Variants in DCHS2 observed in about 807,000 individuals in gnomAD.
DCHS2 encodes protocadherin-23.
In DCHS2, 142 loss-of-function variants were observed where a neutral mutation model predicts 182.4. The observed-to-expected ratio is 0.78, with a 90% confidence interval of 0.68 to 0.89. DCHS2 has a LOEUF of 0.89. Ranked by LOEUF, DCHS2 falls within the 40% of genes least tolerant of loss-of-function variation. The pLI is 0.00. For synonymous variants in DCHS2, 1,740 were observed against 1,663.3 expected, an observed-to-expected ratio of 1.05 and a Z score of -1.12; for missense variants, 4,319 against 4,198.6, an observed-to-expected ratio of 1.03 and a Z score of -0.79.
At chr4:154,282,649 T>C (rs886600512) in intron 13 of DCHS2, among the ~76,000 whole-genome samples, 3 of 152,136 alleles carry the variant, frequency 2.0e-5, no homozygotes, top group Non-Finnish European at 4.4e-5. Context: ...AGAATTACTT[T>C]ATGATCCAGC....
Position 154,334,897 on chromosome 4 carries a change from A to G in DCHS2, c.2684T>C (p.Ile895Thr), listed in dbSNP as rs201570514. The change falls in exon 4 of 20, where the codon ATT (isoleucine) becomes ACT (threonine). Residue 895 changes from isoleucine (I) to threonine (T), a missense_variant. Physicochemically the swap from Ile to Thr is moderately conservative, Grantham distance 89. Coordinates refer to ENST00000357232, the MANE Select transcript of DCHS2 (RefSeq NM_001358235.2). ...VYEDVPEDSPIGTVKAREPLN... is the reference protein window; with the variant it reads ...VYEDVPEDSPTGTVKAREPLN... ...GGGCTCTCTTGCTTTCACTGTTCCA[A>G]TGGGACTATCTTCAGGCACATCTTC... is the stretch of plus-strand genomic sequence containing the variant. 71 of 1,614,160 alleles carry G rather than the reference A, an allele frequency of 4.4e-5. No homozygotes were observed. In the East Asian group the frequency reaches 8.7e-4, roughly 20 times the overall value.
At chr4:154,392,662 T>C (rs879388618) in intron 1 of DCHS2, among the ~76,000 whole-genome samples, 6 of 152,182 alleles carry the variant, frequency 3.9e-5, no homozygotes, top group Non-Finnish European at 7.3e-5. Flanking sequence ...ACCATGCACA[T>C]AGATCTAACT....
In DCHS2 at chr4:154,297,917, C is replaced by A. The variant is rs751780495; in HGVS notation, c.6397G>T (p.Glu2133Ter). 1.9e-6 allele frequency: 3 copies of A among 1,614,142 alleles called. No homozygotes were observed. Among genetic ancestry groups the A allele is most frequent in the Non-Finnish European group, 2.5e-6 (3 of 1,180,006 alleles). ...TGGCTGAAGGAAATCTTTACATCTTCTCCTTCCATGTGAATGACCAAGAGA... is the reference window on the plus strand; with the variant it reads ...TGGCTGAAGGAAATCTTTACATCTTATCCTTCCATGTGAATGACCAAGAGA... The part of the protein sequence containing the change: ...TGLLVIHMEG[E>*]DVKISFSHHL... The change falls in exon 13 of 20, where the codon GAA becomes TAA. Residue 2133 changes from glutamate to a stop codon, truncating the protein, a stop_gained. Transcript: ENST00000357232. LOFTEE classifies it high-confidence loss of function.
chr4:154,477,284 A>C (rs1248601077), intron 1 of DCHS2, among the ~76,000 whole-genome samples: 1 of 152,134 alleles, frequency 6.6e-6, no homozygotes, highest in Admixed American at 6.5e-5. Context: ...TAATTCCATC[A>C]TGCAGATGCA....
At position 154,486,753 on chromosome 4, in the gene DCHS2, G is replaced by A. The variant is rs146939939; in HGVS notation, c.2052+2551C>T. 5.5e-4 allele frequency among the ~76,000 whole-genome samples: 84 copies of A among 152,238 alleles called. No homozygotes were observed. In the East Asian group the frequency reaches 0.013, roughly 23 times the overall value. On this transcript the variant is annotated intron_variant, in intron 1 of 19. Coordinates refer to ENST00000357232, the MANE Select transcript of DCHS2 (RefSeq NM_001358235.2). ...TTAGGGGGTAAGTCAGCTGTGGGGC[G>A]TATGGAACACAGAAAGTTCACATAG... is the stretch of plus-strand genomic sequence containing the variant.
intron 16 of DCHS2, among the ~76,000 whole-genome samples, chr4:154,249,793 CA>C (rs1316582436): frequency 1.3e-5 from 2 of 150,828 alleles, no homozygotes; most frequent in African/African-American, 2.4e-5. Flanking sequence ...AACACATAAA[CA>C]AAAAACCAAA....
chr4:154,401,373 G>C (rs142017801), intron 1 of DCHS2, among the ~76,000 whole-genome samples: 1 of 152,024 alleles, frequency 6.6e-6, no homozygotes, highest in Non-Finnish European at 1.5e-5. Context: ...TTCATTTTGG[G>C]GGGGTAAAAA....
intron 6 of DCHS2, 35 bp from the exon 7 acceptor site, chr4:154,328,227 G>T: frequency 6.6e-7 from 1 of 1,520,758 alleles, no homozygotes; most frequent in Non-Finnish European, 9.0e-7. Flanking sequence ...AAATGAGTCA[G>T]CAAAAGTTTA....
intron 1 of DCHS2, among the ~76,000 whole-genome samples, chr4:154,449,409 C>T (rs62330365): frequency 0.13 from 19,086 of 151,096 alleles, 1,366 homozygotes; most frequent in Middle Eastern, 0.24. Flanking sequence ...GTGTTCCTGT[C>T]GCTCAGGCTG....
intron 3 of DCHS2, among the ~76,000 whole-genome samples, chr4:154,342,033 G>C (rs1384297023): frequency 6.6e-6 from 1 of 151,946 alleles, no homozygotes; most frequent in Non-Finnish European, 1.5e-5. Flanking sequence ...GGTACTGTGG[G>C]CTTTATTCCA....
At chr4:154,265,433 A>G (rs1479924108) in intron 14 of DCHS2, among the ~76,000 whole-genome samples, 2 of 152,224 alleles carry the variant, frequency 1.3e-5, no homozygotes, top group Non-Finnish European at 2.9e-5. Context: ...AGGTAAAAGT[A>G]AATGACATAT....
intron 3 of DCHS2, among the ~76,000 whole-genome samples, chr4:154,336,331 A>C (rs1337470016): frequency 6.6e-6 from 1 of 152,224 alleles, no homozygotes; most frequent in Non-Finnish European, 1.5e-5. Context: ...TAAAAACCTG[A>C]AAACGGATCT....
chr4:154,485,192 C>T (rs13143857), intron 1 of DCHS2, among the ~76,000 whole-genome samples: 138,422 of 152,072 alleles, frequency 0.91, 64,363 homozygotes, highest in East Asian at 1. Flanking sequence ...TTGGGAATGC[C>T]TCTACCACAC....
chr4:154,334,937 T>C lies in DCHS2; in HGVS notation c.2644A>G (p.Thr882Ala), dbSNP rs781008936. The change falls in exon 4 of 20, where the codon ACT becomes GCT. Residue 882 changes from threonine to alanine, a missense_variant. Physicochemically the swap from Thr to Ala is moderately conservative, Grantham distance 58 (BLOSUM62 0). Transcript: ENST00000357232. Reference sequence around the variant, plus strand: ...GGCACATCTTCATAAACTAAGAAAGTGTACTTAGGCCTTTCAAACTCAGCA... The same window carrying C: ...GGCACATCTTCATAAACTAAGAAAGCGTACTTAGGCCTTTCAAACTCAGCA... ...APAEFERPKY[T>A]FLVYEDVPED... 2 of 1,614,158 alleles carry C rather than the reference T, an allele frequency of 1.2e-6. No homozygotes were observed. Among genetic ancestry groups the C allele is most frequent in the Admixed American group, 1.7e-5 (1 of 60,030 alleles).
rs140711424 is a variant in DCHS2 at position 154,347,523 on chromosome 4, G to A, written c.2477-12419C>T. Among the ~76,000 whole-genome samples, 136 of 151,648 alleles carry A rather than the reference G, an allele frequency of 9.0e-4. 4 individuals are homozygous for A. The highest frequency in any genetic ancestry group is 3.4e-3 in the Middle Eastern group (1 of 292). The stretch of plus-strand genomic sequence containing the variant: ...ACTGCTATGAGGATAAAATTACATC[G>A]TATATATAAACAAAGTACTGTTGTA... On this transcript the variant is annotated intron_variant, in intron 3 of 19. Coordinates refer to ENST00000357232, the MANE Select transcript of DCHS2 (RefSeq NM_001358235.2).
intron 1 of DCHS2, among the ~76,000 whole-genome samples, chr4:154,439,604 A>C (rs956225304): frequency 5.3e-5 from 8 of 152,150 alleles, no homozygotes; most frequent in Non-Finnish European, 8.8e-5. Context: ...GCTCTATTTT[A>C]TTATGAATAT....
intron 7 of DCHS2, among the ~76,000 whole-genome samples, chr4:154,324,159 C>G (rs533894009): frequency 1.3e-5 from 2 of 152,270 alleles, no homozygotes; most frequent in East Asian, 1.9e-4. Context: ...TTTTGGAAAT[C>G]GTTAAGCATG....
chr4:154,265,757 C>CA (rs139790522), intron 14 of DCHS2, among the ~76,000 whole-genome samples: 9,593 of 142,510 alleles, frequency 0.067, 540 homozygotes, highest in Admixed American at 0.19. Flanking sequence ...TTCTGAACAA[C>CA]AAAAAAAAAA....
At chr4:154,312,490 A>C (rs1735705289) in intron 10 of DCHS2, among the ~76,000 whole-genome samples, 1 of 152,222 alleles carries the variant, frequency 6.6e-6, no homozygotes, top group African/African-American at 2.4e-5. Flanking sequence ...TTGAGGCTAC[A>C]GTGAGCCATG....
Sources: gnomAD v4.1 joint callset for allele counts (sites outside exome capture counted in the v4.1 genomes callset) on GRCh38, gnomAD v4.1.1 for gene constraint, MANE v1.5 for transcripts, NCBI Gene and HGNC (gene_info 2026-07-23, HGNC 2026-07-21) for gene names.